The following MERTK variants were observed in gnomAD, a reference collection of about 807,000 sequenced individuals.
MERTK encodes the protein tyrosine-protein kinase Mer.
A neutral mutation model predicts 99.3 loss-of-function variants in MERTK; 69 were observed. The observed-to-expected ratio is 0.70, with a 90% CI of 0.57 to 0.85. MERTK has a LOEUF of 0.85. Ranked by LOEUF, MERTK falls within the 40% of genes least tolerant of loss-of-function variation. MERTK has a pLI of 0.00. For synonymous variants in MERTK, 426 were observed against 467.6 expected, an observed-to-expected ratio of 0.91 and a Z score of 1.15; for missense variants, 1,125 against 1,249.4, an observed-to-expected ratio of 0.90 and a Z score of 1.50.
chr2:111,917,690 T>G (rs1684378503), intron 1 of MERTK, among the ~76,000 whole-genome samples: 1 of 151,966 alleles, frequency 6.6e-6, no homozygotes, highest in African/African-American at 2.4e-5. Context: ...ATGGAGACCA[T>G]CCTGGCCAAC....
intron 2 of MERTK, among the ~76,000 whole-genome samples, chr2:111,932,518 T>C (rs953388520): frequency 2.0e-5 from 3 of 152,218 alleles, no homozygotes; most frequent in Non-Finnish European, 4.4e-5. Context: ...GCATACAGGA[T>C]GATACCAAAT....
Position 112,028,340 on chromosome 2 carries a change from T to G in MERTK, c.2487-11T>G. 6.2e-7 allele frequency: 1 copy of G among 1,614,010 alleles called. No individual in the cohort carries two copies. The highest frequency in any genetic ancestry group is 2.2e-5 in the East Asian group (1 of 44,884). On this transcript the variant is annotated splice_polypyrimidine_tract_variant and intron_variant, in intron 18 of 18. Transcript: ENST00000295408. ...ATGCTGGGAGACAATCCACTTCTTT[T>G]TAACTTTCAGGTATGAAATAATGTA...
At chr2:111,936,135 C>A (rs1378939520) in intron 2 of MERTK, among the ~76,000 whole-genome samples, 28 of 152,248 alleles carry the variant, frequency 1.8e-4, no homozygotes, top group Non-Finnish European at 1.2e-4. Flanking sequence ...CCAGGATGGT[C>A]TTGATCTCCT....
chr2:112,020,558 T>C (rs1284630199), intron 16 of MERTK: 3 of 470,740 alleles, frequency 6.4e-6, no homozygotes, highest in Non-Finnish European at 1.3e-5. Context: ...TAGCTTGGGC[T>C]ACAAATGCAG....
intron 6 of MERTK, among the ~76,000 whole-genome samples, chr2:111,973,519 T>C (rs1185683509): frequency 1.3e-5 from 2 of 152,194 alleles, no homozygotes; most frequent in African/African-American, 4.8e-5. Context: ...TGTTTATTTC[T>C]GGTTCATTGA....
chr2:112,019,308 C>A, intron 15 of MERTK, 105 bp from the exon 16 acceptor site: 2 of 836,062 alleles, frequency 2.4e-6, no homozygotes, highest in Non-Finnish European at 2.1e-6. Context: ...TATTTCATCA[C>A]TACACTGTAA....
At chr2:111,928,279 G>A (rs1227445628) in intron 1 of MERTK, among the ~76,000 whole-genome samples, 5 of 134,832 alleles carry the variant, frequency 3.7e-5, no homozygotes, top group Non-Finnish European at 7.6e-5. Flanking sequence ...AGGCTGGAGT[G>A]CAGTGGCACA....
At chr2:112,010,785 A>G (rs1353896504) in intron 15 of MERTK, among the ~76,000 whole-genome samples, 1 of 152,170 alleles carries the variant, frequency 6.6e-6, no homozygotes, top group Non-Finnish European at 1.5e-5. Context: ...TTTGTGGACA[A>G]ACGGTAGACT....
chr2:111,989,366 T>C (rs1558798722), intron 8 of MERTK, among the ~76,000 whole-genome samples: 2 of 151,518 alleles, frequency 1.3e-5, no homozygotes, highest in African/African-American at 4.9e-5. Flanking sequence ...AATTCTTTTT[T>C]TTTTTTTTCA....
intron 1 of MERTK, among the ~76,000 whole-genome samples, chr2:111,914,863 T>C (rs1423974010): frequency 6.6e-6 from 1 of 152,194 alleles, no homozygotes; most frequent in Non-Finnish European, 1.5e-5. Context: ...TTTTTCTGTA[T>C]TTTTGTCTGG....
intron 9 of MERTK, 27 bp from the exon 10 acceptor site, chr2:111,997,296 A>G: frequency 6.2e-7 from 1 of 1,612,690 alleles, no homozygotes; most frequent in Non-Finnish European, 8.5e-7. Flanking sequence ...TTTCAAACCC[A>G]TGACTGGTCT....
At chr2:111,926,787 C>T (rs983957231) in intron 1 of MERTK, among the ~76,000 whole-genome samples, 1 of 152,202 alleles carries the variant, frequency 6.6e-6, no homozygotes, top group African/African-American at 2.4e-5. Context: ...TGAGGGAGCT[C>T]TGCAGGTATG....
intron 8 of MERTK, among the ~76,000 whole-genome samples, chr2:111,988,052 C>T (rs191295383): frequency 2.0e-5 from 3 of 149,964 alleles, no homozygotes; most frequent in East Asian, 3.9e-4. Flanking sequence ...TGCAGTGGCA[C>T]GATCTCGGCT....
chr2:111,990,417 A>G (rs1429606363), intron 8 of MERTK, among the ~76,000 whole-genome samples: 1 of 152,194 alleles, frequency 6.6e-6, no homozygotes, highest in Non-Finnish European at 1.5e-5. Flanking sequence ...ACTGGCCAGC[A>G]TCTTTGTCAT....
intron 1 of MERTK, among the ~76,000 whole-genome samples, chr2:111,928,344 G>GC (rs537057202): frequency 1.1e-3 from 152 of 144,082 alleles, no homozygotes; most frequent in Middle Eastern, 8.3e-3. Context: ...TCCTTCCTCA[G>GC]CCCCCCAAAT....
rs749853394 is a variant in MERTK at position 111,945,034 on chromosome 2, C to A, written c.557C>A (p.Ser186Tyr). The A allele has an allele frequency of 1.9e-6, 3 of 1,613,502 alleles. No homozygotes were observed. In the Admixed American group the frequency reaches 5.0e-5, roughly 27 times the overall value. Residue 186 changes from serine to tyrosine, a missense_variant, in exon 3 of 19, where the codon TCT becomes TAT. Physicochemically the swap from Ser to Tyr is moderately radical, Grantham distance 144. Transcript: ENST00000295408. Reference protein sequence around the residue: ...KMKINNEEIVSDPIYIEVQGL... With the variant: ...KMKINNEEIVYDPIYIEVQGL... The stretch of plus-strand genomic sequence containing the variant: ...AAAATAAACAATGAAGAGATCGTGT[C>A]TGATCCCATCTACATCGAAGTACAA...
At chr2:112,009,688 G>A (rs1021784964) in intron 14 of MERTK, among the ~76,000 whole-genome samples, 1 of 152,162 alleles carries the variant, frequency 6.6e-6, no homozygotes, top group Non-Finnish European at 1.5e-5. Context: ...GAAATTCCTA[G>A]GTTTCTAGAT....
At chr2:111,981,575 A>G (rs987796518) in intron 7 of MERTK, among the ~76,000 whole-genome samples, 1 of 152,178 alleles carries the variant, frequency 6.6e-6, no homozygotes, top group African/African-American at 2.4e-5. Context: ...GCTGCAATGA[A>G]TATAACATCA....
Position 111,951,318 on chromosome 2 carries a change from C to A in MERTK, c.757+3751C>A, listed in dbSNP as rs75413899. ...TTCTACCTTTTGACCAAGTCCTCAC[C>A]CACCTCCACCCACCCTTTTAAACCA... On this transcript the variant is annotated intron_variant, in intron 4 of 18. Transcript: ENST00000295408. 6.6e-5 allele frequency among the ~76,000 whole-genome samples: 10 copies of A among 151,594 alleles called. No homozygotes were observed. In the South Asian group the frequency reaches 2.1e-3, roughly 32 times the overall value.
Sources: gnomAD v4.1 joint callset for allele counts (sites outside exome capture counted in the v4.1 genomes callset) on GRCh38, gnomAD v4.1.1 for gene constraint, MANE v1.5 for transcripts, NCBI Gene and HGNC (gene_info 2026-07-23, HGNC 2026-07-21) for gene names.